Variants in ASNS observed in about 807,000 individuals in gnomAD.
ASNS encodes the protein asparagine synthetase (glutamine-hydrolyzing), also known as asparagine synthetase [glutamine-hydrolyzing].
ASNS carries 37 observed loss-of-function variants against 62.6 expected under a neutral mutation model. That is an observed-to-expected ratio of 0.59 (90% confidence interval 0.45 to 0.78). The LOEUF is 0.78. ASNS is among the 30% of genes least tolerant of loss of function. ASNS has a pLI of 0.00. For missense variants in ASNS, 520 were observed against 682.4 expected (o/e 0.76, Z 2.65); for synonymous variants, 207 against 237.9 (o/e 0.87, Z 1.19).
chr7:97,851,965 T>C lies in ASNS; in HGVS notation c.*294A>G. 2.7e-6 allele frequency: 1 copy of C among 376,922 alleles called. No homozygotes were observed. The highest frequency in any genetic ancestry group is 4.9e-6 in the Non-Finnish European group (1 of 202,654). The allele number at this position is 376,922 out of a possible 1,614,324, so 23.3% of individuals were successfully genotyped here. ...AAGCCACACGGGCACAAGATGCAAA[T>C]GTCATCTAAAGCAGCTCTGCCAGGA... is the stretch of plus-strand genomic sequence containing the variant. On this transcript the variant is annotated 3_prime_UTR_variant, in exon 13 of 13. Coordinates refer to ENST00000394308, the MANE Select transcript of ASNS (RefSeq NM_001673.5).
chr7:97,894,480 C>CAA, the ASNS span, among the ~76,000 whole-genome samples: 203 of 36,482 alleles, frequency 5.6e-3, no homozygotes, highest in Non-Finnish European at 7.0e-3. Context: ...TGAGGCTAAC[C>CAA]AAAAAAAAAA....
upstream of ASNS, among the ~76,000 whole-genome samples, chr7:97,873,115 A>G (rs145199879): frequency 3.9e-5 from 6 of 152,366 alleles, no homozygotes; most frequent in East Asian, 1.2e-3. Flanking sequence ...GCCAAAATAC[A>G]TCAGTGGTCC....
At chr7:97,854,720 C>T in intron 9 of ASNS, 40 bp from the exon 10 acceptor site, 1 of 1,612,898 alleles carries the variant, frequency 6.2e-7, no homozygotes, top group Non-Finnish European at 8.5e-7. Context: ...TTGCTTTTGG[C>T]ACACAAAGCA....
chr7:97,920,016 T>C, the ASNS span, among the ~76,000 whole-genome samples: 1 of 151,956 alleles, frequency 6.6e-6, no homozygotes, highest in Admixed American at 6.6e-5. Context: ...CCTGACTTTT[T>C]TTTTTTTTTG....
upstream of ASNS, among the ~76,000 whole-genome samples, chr7:97,876,868 T>C (rs987861549): frequency 5.3e-5 from 8 of 152,152 alleles, no homozygotes; most frequent in South Asian, 4.1e-4. Flanking sequence ...GGCAAAATTT[T>C]AGTGGACGCT....
At chr7:97,857,938 T>C (rs1373134975) in intron 7 of ASNS, among the ~76,000 whole-genome samples, 1 of 152,178 alleles carries the variant, frequency 6.6e-6, no homozygotes, top group Non-Finnish European at 1.5e-5. Flanking sequence ...GGTTTCAAAC[T>C]CCTGACCTCA....
At chr7:97,891,030 T>A in the ASNS span, among the ~76,000 whole-genome samples, 4,247 of 152,256 alleles carry the variant, frequency 0.028, 97 homozygotes, top group African/African-American at 0.062. Context: ...GGTGTATTAG[T>A]CTGTTTTCAC....
chr7:97,864,019 G>A (rs1169719449), intron 4 of ASNS: 5 of 420,642 alleles, frequency 1.2e-5, no homozygotes, highest in Admixed American at 8.1e-5. Flanking sequence ...GCTAGATGTA[G>A]AGCATATTAG....
chr7:97,898,897 C>G, the ASNS span: 2 of 1,272,618 alleles, frequency 1.6e-6, no homozygotes, highest in Non-Finnish European at 2.3e-6. Context: ...CTTCATCATT[C>G]TGCAAGTCAG....
chr7:97,928,396 C>T, the ASNS span: 6 of 634,654 alleles, frequency 9.5e-6, no homozygotes, highest in Non-Finnish European at 1.5e-5. Flanking sequence ...TCGGAGGGTC[C>T]GCGCGGCGCG....
chr7:97,884,474 G>C, the ASNS span, among the ~76,000 whole-genome samples: 1 of 152,086 alleles, frequency 6.6e-6, no homozygotes, highest in Non-Finnish European at 1.5e-5. Flanking sequence ...GCTTGAACTC[G>C]GGAGGCAGAG....
the ASNS span, among the ~76,000 whole-genome samples, chr7:97,902,478 G>A: frequency 2.0e-5 from 3 of 152,296 alleles, no homozygotes; most frequent in Admixed American, 6.5e-5. Context: ...TTGGGAGGCC[G>A]AGATGAGCAG....
chr7:97,870,728 G>A (rs1363856702), intron 1 of ASNS, among the ~76,000 whole-genome samples: 1 of 152,138 alleles, frequency 6.6e-6, no homozygotes, highest in Non-Finnish European at 1.5e-5. Flanking sequence ...AATTTAAAAC[G>A]GGTTAGGAAA....
At chr7:97,881,472 G>A in the ASNS span, among the ~76,000 whole-genome samples, 4 of 148,216 alleles carry the variant, frequency 2.7e-5, no homozygotes, top group Non-Finnish European at 5.9e-5. Context: ...CCTGCTTTCT[G>A]CCTCTATAGA....
chr7:97,921,249 T>C, the ASNS span, among the ~76,000 whole-genome samples: 1 of 152,180 alleles, frequency 6.6e-6, no homozygotes, highest in African/African-American at 2.4e-5. Context: ...GTCAGGGTGG[T>C]ACAAAGTACT....
rs1410807930 is a variant in ASNS at position 97,864,386 on chromosome 7, C to T, written c.360G>A (p.Val120=). The part of the protein sequence containing the change: ...IEQTICMLDG[V]FAFVLLDTAN... ...CAGTATCCAGTAAAACAAATGCAAACACACCATCCAACATACAAATTGTTT... is the reference window on the plus strand; with the variant it reads ...CAGTATCCAGTAAAACAAATGCAAATACACCATCCAACATACAAATTGTTT... The change falls in exon 4 of 13, where the codon GTG becomes GTA. Residue 120 remains valine, a synonymous_variant. Transcript: ENST00000394308. 6.2e-7 allele frequency: 1 copy of T among 1,613,946 alleles called. No homozygotes were observed. Among genetic ancestry groups the T allele is most frequent in the Admixed American group, 1.7e-5 (1 of 60,018 alleles).
chr7:97,873,801 G>T (rs933212861), upstream of ASNS, among the ~76,000 whole-genome samples: 1 of 151,806 alleles, frequency 6.6e-6, no homozygotes, highest in Admixed American at 6.6e-5. Context: ...GCTTCCTTGT[G>T]CTGCGTATCT....
the ASNS span, among the ~76,000 whole-genome samples, chr7:97,926,446 A>G: frequency 6.6e-6 from 1 of 152,162 alleles, no homozygotes; most frequent in Non-Finnish European, 1.5e-5. Context: ...CCACTCAGAC[A>G]TGGCCTGTGA....
chr7:97,878,285 G>C, the ASNS span, among the ~76,000 whole-genome samples: 1 of 152,164 alleles, frequency 6.6e-6, no homozygotes, highest in Non-Finnish European at 1.5e-5. Flanking sequence ...AGCTCCCCAA[G>C]TGAGCAATTC....
Sources: allele counts gnomAD v4.1 joint callset (sites outside exome capture counted in the v4.1 genomes callset), GRCh38; gene constraint gnomAD v4.1.1; transcripts MANE v1.5; gene names NCBI Gene and HGNC (gene_info 2026-07-23, HGNC 2026-07-21).